Variants in NPC1 observed in about 807,000 individuals in gnomAD.
NPC1 encodes NPC intracellular cholesterol transporter 1.
A neutral mutation model predicts 140.4 loss-of-function variants in NPC1; 85 were observed. The ratio of observed to expected loss-of-function variants is 0.61; its 90% CI spans 0.51 to 0.72. The LOEUF (loss-of-function observed/expected upper bound fraction) is 0.72. Ranked by LOEUF, NPC1 falls within the 30% of genes least tolerant of loss-of-function variation. The pLI is 0.00. For missense variants in NPC1, 1,504 were observed against 1,623.8 expected (o/e 0.93, Z 1.27); for synonymous variants, 656 against 624.8 (o/e 1.05, Z -0.74).
At chr18:23,533,591 A>AAGTG in intron 23 of NPC1, 74 bp from the exon 24 acceptor site, 1 of 1,441,116 alleles carries the variant, frequency 6.9e-7, no homozygotes, top group Non-Finnish European at 9.7e-7. Flanking sequence ...CCTTACAAGG[A>AAGTG]TTTCTCCCAG....
In NPC1 at chr18:23,544,954, G is replaced by GGGGGC; in HGVS notation, c.1947+5_1947+6insGCCCC. On this transcript the variant is annotated splice_donor_region_variant and intron_variant, in intron 12 of 24. Coordinates refer to ENST00000269228, the MANE Select transcript of NPC1 (RefSeq NM_000271.5). Reference sequence around the variant, plus strand: ...CTAGAACATACACCACCCCCCCCCGGCTTACCAGAAGCCTGCGACAGCTTT... The same window carrying GGGGGC: ...CTAGAACATACACCACCCCCCCCCGGGGGGCCTTACCAGAAGCCTGCGACAGCTTT... 8.3e-7 allele frequency: 1 copy of GGGGGC among 1,204,598 alleles called. No individual in the cohort carries two copies. The highest frequency in any genetic ancestry group is 1.1e-6 in the Non-Finnish European group (1 of 871,746). 74.6% of individuals were successfully genotyped at this position (1,204,598 alleles called of 1,614,324 possible). A position where few individuals can be genotyped will look rare whatever the true frequency, so the allele number is the denominator to read the frequency against.
chr18:23,566,597 TACACAC>T (rs113221621), intron 4 of NPC1, among the ~76,000 whole-genome samples: 2 of 136,866 alleles, frequency 1.5e-5, no homozygotes, highest in Admixed American at 7.3e-5. Context: ...ATAAAATACT[TACACAC>T]ACACACACAC....
chr18:23,558,281 C>A (rs530900320), intron 6 of NPC1, among the ~76,000 whole-genome samples: 1 of 152,266 alleles, frequency 6.6e-6, no homozygotes, highest in Non-Finnish European at 1.5e-5. Flanking sequence ...GCAGTAACTT[C>A]ACAGTGGAGA....
chr18:23,531,722 T>C lies in NPC1; in HGVS notation c.*480A>G. 1.3e-6 allele frequency: 2 copies of C among 1,599,706 alleles called. No homozygotes were observed. The highest frequency in any genetic ancestry group is 1.3e-5 in the African/African-American group (1 of 74,088). On this transcript the variant is annotated 3_prime_UTR_variant, in exon 25 of 25. Transcript: ENST00000269228. ...CATTCTGAAATCACTTGCTGTTTTTTTATATAAAAATGTGTACAAAGTTAA... is the reference window on the plus strand; with the variant it reads ...CATTCTGAAATCACTTGCTGTTTTTCTATATAAAAATGTGTACAAAGTTAA...
At position 23,540,018 on chromosome 18, in the gene NPC1, A is replaced by G; in HGVS notation, c.2605-17T>C. 6.2e-7 allele frequency: 1 copy of G among 1,602,368 alleles called. No individual in the cohort carries two copies. Among genetic ancestry groups the G allele is most frequent in the Non-Finnish European group, 8.6e-7 (1 of 1,169,514 alleles). On this transcript the variant is annotated splice_polypyrimidine_tract_variant and intron_variant, in intron 17 of 24. Transcript: ENST00000269228. ...GTAGGAGTCCTGAAAGAAAGATAAA[A>G]GAATAGGAGAGAGTGTGAACACTCT...
chr18:23,574,494 G>T (rs1187485046), intron 1 of NPC1, among the ~76,000 whole-genome samples: 1 of 152,100 alleles, frequency 6.6e-6, no homozygotes, highest in African/African-American at 2.4e-5. Flanking sequence ...ATTCTCTCCA[G>T]TGACAGTGGC....
chr18:23,560,484 C>T lies in NPC1; in HGVS notation c.632-4G>A, dbSNP rs757177354. Reference sequence around the variant, plus strand: ...TCCATCCCATGGACTGGAAAATCTACAGAAAGGAATTGTGTTGAGTACAAA... The same window carrying T: ...TCCATCCCATGGACTGGAAAATCTATAGAAAGGAATTGTGTTGAGTACAAA... On this transcript the variant is annotated splice_polypyrimidine_tract_variant and splice_region_variant and intron_variant, in intron 5 of 24. Transcript: ENST00000269228. 6.2e-7 allele frequency: 1 copy of T among 1,613,954 alleles called. No individual in the cohort carries two copies. Among genetic ancestry groups the T allele is most frequent in the South Asian group, 1.1e-5 (1 of 91,060 alleles).
At position 23,544,531 on chromosome 18, in the gene NPC1, G is replaced by A. The variant is rs778035488; in HGVS notation, c.1948-5C>T. Reference sequence around the variant, plus strand: ...TAGTGAGACCTTCGAATCCACCTGAGAGAGGCGACAGACACAATCACCAAT... The same window carrying A: ...TAGTGAGACCTTCGAATCCACCTGAAAGAGGCGACAGACACAATCACCAAT... On this transcript the variant is annotated splice_polypyrimidine_tract_variant and splice_region_variant and intron_variant, in intron 12 of 24. Coordinates refer to ENST00000269228, the MANE Select transcript of NPC1 (RefSeq NM_000271.5). 4.3e-6 allele frequency: 7 copies of A among 1,614,028 alleles called. No homozygotes were observed. The Admixed American group carries it at 1.0e-4, about 23-fold the overall frequency.
intron 3 of NPC1, among the ~76,000 whole-genome samples, chr18:23,510,244 A>G (rs2057817179): frequency 6.6e-6 from 1 of 151,610 alleles, no homozygotes; most frequent in Admixed American, 6.6e-5. Flanking sequence ...GGATTGCTTG[A>G]GCCTGGGAGG....
intron 10 of NPC1, among the ~76,000 whole-genome samples, chr18:23,549,025 G>A (rs1167110981): frequency 6.6e-6 from 1 of 152,160 alleles, no homozygotes. Flanking sequence ...CTGGGCTCAA[G>A]CAATCCTCCT....
Position 23,545,157 on chromosome 18 carries a change from G to A in NPC1, c.1758-8C>T, listed in dbSNP as rs1388467703. 1 of 1,591,064 alleles carries A rather than the reference G, an allele frequency of 6.3e-7. No homozygotes were observed. The highest frequency in any genetic ancestry group is 1.1e-5 in the South Asian group (1 of 90,578). ...TTCACAAAATTAATAAACCTAAAAG[G>A]TAAGCAAAATGTTATATTTTTAGTT... On this transcript the variant is annotated splice_region_variant and splice_polypyrimidine_tract_variant and intron_variant, in intron 11 of 24. Transcript: ENST00000269228.
At chr18:23,581,009 T>C (rs1358947055) in intron 1 of NPC1, among the ~76,000 whole-genome samples, 1 of 152,250 alleles carries the variant, frequency 6.6e-6, no homozygotes, top group Non-Finnish European at 1.5e-5. Flanking sequence ...GTTTAAGTCA[T>C]ATATTTTGAG....
rs1214770851 is a variant in NPC1 at position 23,531,841 on chromosome 18, GGATGGCTTACTCCTAAAAGGA to G, written c.*340_*360del. 1 of 1,464,430 alleles carries G rather than the reference GGATGGCTTACTCCTAAAAGGA, an allele frequency of 6.8e-7. No homozygotes were observed. The highest frequency in any genetic ancestry group is 1.4e-5 in the African/African-American group (1 of 69,856). 90.7% of individuals were successfully genotyped at this position (1,464,430 alleles called of 1,614,324 possible). ...CTAAAAATATGGTATAGAACTTGTG[GGATGGCTTACTCCTAAAAGGA>G]GAGACAGACAGTGCATTGATTGGCC... On this transcript the variant is annotated 3_prime_UTR_variant, in exon 25 of 25. Coordinates refer to ENST00000269228, the MANE Select transcript of NPC1 (RefSeq NM_000271.5).
chr18:23,545,202 T>A, intron 11 of NPC1, 53 bp from the exon 12 acceptor site: 2 of 1,310,138 alleles, frequency 1.5e-6, no homozygotes, highest in Non-Finnish European at 2.2e-6. Flanking sequence ...GACAGCTAAG[T>A]AAGAAACTTC....
In NPC1 at chr18:23,556,560, G is replaced by A. The variant is rs1406484313; in HGVS notation, c.1009C>T (p.Arg337Trp). Residue 337 changes from arginine to tryptophan, a missense_variant, in exon 8 of 25, where the codon CGG (arginine) becomes TGG (tryptophan). Arg to Trp is a moderately radical substitution (Grantham distance 101). Coordinates refer to ENST00000269228, the MANE Select transcript of NPC1 (RefSeq NM_000271.5). The stretch of plus-strand genomic sequence containing the variant: ...AAAGACCCCCAGCGTGTGAACAGCC[G>A]CCTCAAGCAGCCCTCAAATGCTGCG... Reference protein sequence around the residue: ...VSAAFEGCLRRLFTRWGSFCV... With the variant: ...VSAAFEGCLRWLFTRWGSFCV... 16 of 1,613,948 alleles carry A rather than the reference G, an allele frequency of 9.9e-6. No individual in the cohort carries two copies. Among genetic ancestry groups the A allele is most frequent in the South Asian group, 3.3e-5 (3 of 91,068 alleles).
In NPC1 at chr18:23,534,168, T is replaced by C. The variant is rs1332375075; in HGVS notation, c.3591+278A>G. ...CGCTGGGTTCTGGCCCGGGCTCCCC[T>C]GCATTTTAAATGGGAAAGACTGCCA... On this transcript the variant is annotated intron_variant, in intron 23 of 24. Transcript: ENST00000269228. 2.2e-5 allele frequency: 12 copies of C among 551,138 alleles called. No homozygotes were observed. In the East Asian group the frequency reaches 2.9e-4, roughly 13 times the overall value. 34.1% of individuals were successfully genotyped at this position (551,138 alleles called of 1,614,324 possible).
chr18:23,523,678 A>T (rs1389913026), intron 1 of NPC1, among the ~76,000 whole-genome samples: 1 of 152,074 alleles, frequency 6.6e-6, no homozygotes, highest in Admixed American at 6.6e-5. Context: ...GGCTATGATC[A>T]ACTACTGCAC....
chr18:23,562,296 CAA>C (rs11294706), intron 4 of NPC1, among the ~76,000 whole-genome samples: 16 of 132,618 alleles, frequency 1.2e-4, no homozygotes, highest in African/African-American at 2.1e-4. Flanking sequence ...CACAAAAAAA[CAA>C]AAAAAAAAAA....
rs2145455839 is a variant in NPC1 at position 23,556,321 on chromosome 18, G to C, written c.1248C>G (p.Asp416Glu). Residue 416 changes from aspartate to glutamate, a missense_variant, in exon 8 of 25, where the codon GAC becomes GAG. Transcript: ENST00000269228. ...EQLIIRAPLTDKHIYQPYPSG... is the reference protein window; with the variant it reads ...EQLIIRAPLTEKHIYQPYPSG... ...AAGGGTATGGCTGGTAAATGTGTTT[G>C]TCAGTGAGAGGGGCCCGGATGATGA... 2 of 1,614,086 alleles carry C rather than the reference G, an allele frequency of 1.2e-6. No individual in the cohort carries two copies. Among genetic ancestry groups the C allele is most frequent in the Non-Finnish European group, 1.7e-6 (2 of 1,179,986 alleles).
Sources: allele counts gnomAD v4.1 joint callset (sites outside exome capture counted in the v4.1 genomes callset), GRCh38; gene constraint gnomAD v4.1.1; transcripts MANE v1.5; gene names NCBI Gene and HGNC (gene_info 2026-07-23, HGNC 2026-07-21).